PTPRT: variants seen among roughly 807,000 people sequenced by gnomAD.
The protein encoded by PTPRT is receptor-type tyrosine-protein phosphatase T.
Under a neutral mutation model 176.8 loss-of-function variants are expected in PTPRT, and 56 were observed. The observed-to-expected ratio is 0.32, with a 90% CI of 0.26 to 0.40. The LOEUF (loss-of-function observed/expected upper bound fraction) is 0.40. Ranked by LOEUF, PTPRT falls within the 10% of genes least tolerant of loss-of-function variation. The pLI is 1.00. For synonymous variants in PTPRT, 783 were observed against 739.0 expected (o/e 1.06, Z -0.96); for missense variants, 1,540 against 1,908.2 (o/e 0.81, Z 3.60).
rs558746009 is a variant in PTPRT at position 42,354,870 on chromosome 20, C to T, written c.1561-2585G>A. On this transcript the variant is annotated intron_variant, in intron 9 of 30. Coordinates refer to ENST00000373187, the MANE Select transcript of PTPRT (RefSeq NM_007050.6). ...CGCATCCTTGAGGAGAGAGGTCAGA[C>T]GGTGCCCAGAGCAGAGTGTGCGCAG... Among the ~76,000 whole-genome samples the T allele has an allele frequency of 6.6e-5, 10 of 152,108 alleles. No homozygotes were observed. In the South Asian group the frequency reaches 1.5e-3, roughly 22 times the overall value.
At chr20:43,162,545 T>C (rs1251215901) in intron 1 of PTPRT, among the ~76,000 whole-genome samples, 1 of 152,236 alleles carries the variant, frequency 6.6e-6, no homozygotes, top group Non-Finnish European at 1.5e-5. Flanking sequence ...GGTCCCATCC[T>C]GGGCCACTAA....
intron 14 of PTPRT, among the ~76,000 whole-genome samples, chr20:42,244,688 C>T (rs2056418129): frequency 6.6e-6 from 1 of 152,038 alleles, no homozygotes; most frequent in Non-Finnish European, 1.5e-5. Context: ...GAAGTGTGTC[C>T]CAAGGGATAA....
chr20:42,384,169 G>C (rs188219146), intron 9 of PTPRT, among the ~76,000 whole-genome samples: 3 of 152,332 alleles, frequency 2.0e-5, no homozygotes, highest in African/African-American at 7.2e-5. Flanking sequence ...CACTAGTACA[G>C]GGTCAGTGAT....
chr20:42,199,280 A>T lies in PTPRT; in HGVS notation c.2451T>A (p.Asp817Glu), dbSNP rs370192193. ...CCTGAGAACTAGAAGAGAAGCCTTC[A>T]TCATTGCGGCTGGCGCTGAGCTTGG... Reference protein sequence around the residue: ...PTTKLSASRNDEGFSSSSQDV... With the variant: ...PTTKLSASRNEEGFSSSSQDV... The change falls in exon 16 of 31, where the codon GAT becomes GAA. Residue 817 changes from aspartate (D) to glutamate (E), a missense_variant. Around this residue, in one of 11 missense-constraint regions of PTPRT, gnomAD observed 255 missense variants for 250.1 expected, o/e 1.02. Coordinates refer to ENST00000373187, the MANE Select transcript of PTPRT (RefSeq NM_007050.6). The T allele has an allele frequency of 3.9e-5, 63 of 1,614,052 alleles. No homozygotes were observed. The highest frequency in any genetic ancestry group is 5.3e-5 in the Non-Finnish European group (63 of 1,180,030).
chr20:42,705,176 G>A (rs746381187), intron 6 of PTPRT, among the ~76,000 whole-genome samples: 21 of 152,118 alleles, frequency 1.4e-4, no homozygotes, highest in Non-Finnish European at 2.5e-4. Context: ...CTGCACCCCA[G>A]CATGGGCAAA....
In PTPRT at chr20:42,108,537, C is replaced by G. The variant is rs529074020; in HGVS notation, c.3255-1616G>C. 2.6e-5 allele frequency among the ~76,000 whole-genome samples: 4 copies of G among 152,252 alleles called. No individual in the cohort carries two copies. The South Asian group carries it at 8.3e-4, about 32-fold the overall frequency. Reference sequence around the variant, plus strand: ...TAAAATGCATAATGCATACAAATTGCTTTGTGCCTGGATACATAGCCATTT... The same window carrying G: ...TAAAATGCATAATGCATACAAATTGGTTTGTGCCTGGATACATAGCCATTT... On this transcript the variant is annotated intron_variant, in intron 23 of 30. Transcript: ENST00000373187.
chr20:42,718,188 G>A (rs1379543559), intron 6 of PTPRT, among the ~76,000 whole-genome samples: 1 of 152,230 alleles, frequency 6.6e-6, no homozygotes, highest in Non-Finnish European at 1.5e-5. Flanking sequence ...TCAGATGTCT[G>A]TAAGCAGTAG....
At chr20:42,082,421 T>C (rs886401600) in intron 29 of PTPRT, among the ~76,000 whole-genome samples, 4 of 152,224 alleles carry the variant, frequency 2.6e-5, no homozygotes, top group African/African-American at 9.6e-5. Flanking sequence ...GATGCTTGCA[T>C]CCATGTCCAA....
chr20:42,480,070 C>T lies in PTPRT; in HGVS notation c.1154-7508G>A, dbSNP rs75174558. ...TGCCACAGAGAAGGTAATCCACTCACGTGTTCATTGTCTCATTTCTTAATT... is the reference window on the plus strand; with the variant it reads ...TGCCACAGAGAAGGTAATCCACTCATGTGTTCATTGTCTCATTTCTTAATT... On this transcript the variant is annotated intron_variant, in intron 7 of 30. Coordinates refer to ENST00000373187, the MANE Select transcript of PTPRT (RefSeq NM_007050.6). Among the ~76,000 whole-genome samples the T allele has an allele frequency of 8.1e-3, 1,226 of 152,286 alleles. 12 individuals are homozygous for T. Among genetic ancestry groups the T allele is most frequent in the Middle Eastern group, 0.014 (4 of 294 alleles).
chr20:42,193,158 T>C (rs765854994), intron 16 of PTPRT, among the ~76,000 whole-genome samples: 17 of 152,242 alleles, frequency 1.1e-4, no homozygotes, highest in Non-Finnish European at 2.4e-4. Context: ...TTTTAATATC[T>C]GAGAGCATCA....
intron 7 of PTPRT, among the ~76,000 whole-genome samples, chr20:42,633,156 A>G (rs1466993351): frequency 4.6e-5 from 7 of 152,152 alleles, no homozygotes; most frequent in Non-Finnish European, 1.0e-4. Flanking sequence ...TACACTGAAC[A>G]TTCTAGGTCC....
At chr20:42,976,098 A>G (rs1982931328) in intron 1 of PTPRT, among the ~76,000 whole-genome samples, 1 of 152,212 alleles carries the variant, frequency 6.6e-6, no homozygotes, top group Non-Finnish European at 1.5e-5. Context: ...TCAAGGTCAC[A>G]AATCAGTCTC....
intron 15 of PTPRT, among the ~76,000 whole-genome samples, chr20:42,205,214 C>T (rs747983993): frequency 2.0e-5 from 3 of 152,086 alleles, no homozygotes; most frequent in African/African-American, 4.8e-5. Flanking sequence ...AAGCACCTAA[C>T]GCCTGAATTC....
intron 1 of PTPRT, among the ~76,000 whole-genome samples, chr20:43,083,060 TC>T (rs1005560695): frequency 3.3e-5 from 5 of 151,918 alleles, no homozygotes; most frequent in Non-Finnish European, 7.4e-5. Context: ...TGATCTCCCA[TC>T]TTCTCAGCTG....
intron 11 of PTPRT, among the ~76,000 whole-genome samples, chr20:42,350,234 T>TG (rs1568799596): frequency 9.8e-5 from 14 of 142,374 alleles, no homozygotes; most frequent in African/African-American, 2.1e-4. Flanking sequence ...TTTTTTTTTT[T>TG]TTTTTTTTTT....
intron 24 of PTPRT, 119 bp from the exon 25 acceptor site, chr20:42,104,837 G>A (rs1986280530): frequency 8.9e-7 from 1 of 1,125,954 alleles, no homozygotes. Context: ...TATATTACAG[G>A]ATCCTTACTT....
At chr20:42,693,102 C>G (rs1343541123) in intron 6 of PTPRT, among the ~76,000 whole-genome samples, 2 of 152,124 alleles carry the variant, frequency 1.3e-5, no homozygotes, top group Non-Finnish European at 2.9e-5. Flanking sequence ...TACAAAAGCA[C>G]CAGCAAAGTA....
intron 7 of PTPRT, among the ~76,000 whole-genome samples, chr20:42,617,289 C>A (rs1232825488): frequency 7.5e-6 from 1 of 133,852 alleles, no homozygotes; most frequent in African/African-American, 3.4e-5. Context: ...GGGATGAAGC[C>A]TACTTGATCA....
intron 2 of PTPRT, among the ~76,000 whole-genome samples, chr20:42,858,527 G>C (rs911583960): frequency 1.4e-4 from 22 of 152,150 alleles, no homozygotes; most frequent in African/African-American, 5.3e-4. Context: ...GGTCATGAAG[G>C]AATGGGATTA....
Sources: allele counts gnomAD v4.1 joint callset (sites outside exome capture counted in the v4.1 genomes callset), GRCh38; gene constraint gnomAD v4.1.1; regional missense constraint gnomAD v4.1.1; transcripts MANE v1.5; gene names NCBI Gene and HGNC (gene_info 2026-07-23, HGNC 2026-07-21).